Variants in RAX2 observed in about 807,000 individuals in gnomAD.
RAX2 encodes the protein retina and anterior neural fold homeobox 2, also known as retina and anterior neural fold homeobox protein 2.
In RAX2, 4 loss-of-function variants were observed where a neutral mutation model predicts 5.8. The ratio of observed to expected loss-of-function variants is 0.69; its 90% CI spans 0.34 to 1.58. RAX2 has a LOEUF of 1.58. RAX2 is among the 40% of genes most tolerant of loss of function. The pLI is 0.05. For synonymous variants in RAX2, 133 were observed against 128.8 expected, an observed-to-expected ratio of 1.03 and a Z score of -0.22; for missense variants, 275 against 271.4, an observed-to-expected ratio of 1.01 and a Z score of -0.09.
chr19:3,772,011 C>CTGTGTGTGTG lies in RAX2; in HGVS notation c.-268-11_-268-2dup. The CTGTGTGTGTG allele has an allele frequency of 1.9e-6, 1 of 524,238 alleles. No individual in the cohort carries two copies. The highest frequency in any genetic ancestry group is 2.1e-5 in the South Asian group (1 of 47,836). The allele number at this position is 524,238 out of a possible 1,614,324, so 32.5% of individuals were successfully genotyped here. A position where few individuals can be genotyped will look rare whatever the true frequency, so the allele number is the denominator to read the frequency against. ...TTCCCCTCTCTGTGACTGTCACGGCCTGTGTGTGTGTGTGTCGGCGGGGGG... is the reference window on the plus strand; with the variant it reads ...TTCCCCTCTCTGTGACTGTCACGGCCTGTGTGTGTGTGTGTGTGTGTGTGTCGGCGGGGGG... On this transcript the variant is annotated splice_acceptor_variant, in intron 1 of 2. Transcript: ENST00000555633. LOFTEE classifies it low-confidence loss of function (5UTR_SPLICE).
chr19:3,770,921 C>T lies in RAX2; in HGVS notation c.255G>A (p.Gln85=), dbSNP rs1474928513. ...CACCCGAGCCTGACTCCAGCCGCTC[C>T]TGGCGGCGCCACTTGGCCCGGCGGT... ...FQNRRAKWRR[Q]ERLESGSGAV... is the part of the protein sequence containing the mutation. Residue 85 remains glutamine (Q), a synonymous_variant, in exon 3 of 3, where the codon CAG becomes CAA. Transcript: ENST00000555633. 2 of 1,559,554 alleles carry T rather than the reference C, an allele frequency of 1.3e-6. No individual in the cohort carries two copies. The highest frequency in any genetic ancestry group is 1.7e-6 in the Non-Finnish European group (2 of 1,160,172).
Position 3,770,788 on chromosome 19 carries a change from G to T in RAX2, c.388C>A (p.Pro130Thr). 6.6e-7 allele frequency: 1 copy of T among 1,521,828 alleles called. No individual in the cohort carries two copies. The highest frequency in any genetic ancestry group is 1.2e-5 in the South Asian group (1 of 82,822). 94.3% of individuals were successfully genotyped at this position (1,521,828 alleles called of 1,614,324 possible). A position where few individuals can be genotyped will look rare whatever the true frequency, so the allele number is the denominator to read the frequency against. The change falls in exon 3 of 3, where the codon CCA becomes ACA. Residue 130 changes from proline (P) to threonine (T), a missense_variant. Physicochemically the swap from Pro to Thr is conservative, Grantham distance 38. Coordinates refer to ENST00000555633, the MANE Select transcript of RAX2 (RefSeq NM_001319074.4). ...GGGCCCAGGAGGCGGGGGAGGCCTGGCACGGCCGGCGGTCCGGGGCCCAAC... is the reference window on the plus strand; with the variant it reads ...GGGCCCAGGAGGCGGGGGAGGCCTGTCACGGCCGGCGGTCCGGGGCCCAAC... Reference protein sequence around the residue: ...PWLGPGPPAVPGLPRLLGPGP... With the variant: ...PWLGPGPPAVTGLPRLLGPGP...
rs922236026 is a variant in RAX2, at chr19:3,770,747, T to C, written c.429A>G (p.Gln143=). ...PRLLGPGPGL[Q]ASFGPHAFAP... Reference sequence around the variant, plus strand: ...CAAAGGCATGAGGCCCGAAGGACGCTTGCAGCCCCGGGCCCGGGCCCAGGA... The same window carrying C: ...CAAAGGCATGAGGCCCGAAGGACGCCTGCAGCCCCGGGCCCGGGCCCAGGA... The change falls in exon 3 of 3, where the codon CAA becomes CAG. Residue 143 remains glutamine (Q), a synonymous_variant. Coordinates refer to ENST00000555633, the MANE Select transcript of RAX2 (RefSeq NM_001319074.4). The C allele has an allele frequency of 2.0e-6, 3 of 1,532,536 alleles. No individual in the cohort carries two copies. Among genetic ancestry groups the C allele is most frequent in the Non-Finnish European group, 1.7e-6 (2 of 1,145,272 alleles). The allele number at this position is 1,532,536 out of a possible 1,614,324, so 94.9% of individuals were successfully genotyped here.
Position 3,770,589 on chromosome 19 carries a change from G to C in RAX2, c.*32C>G. ...GGGCACGTCCCCGGTTCTCGGGTTG[G>C]GCCGAGGAGGGGGCCCGGGAGGGCG... On this transcript the variant is annotated 3_prime_UTR_variant, in exon 3 of 3. Coordinates refer to ENST00000555633, the MANE Select transcript of RAX2 (RefSeq NM_001319074.4). The C allele has an allele frequency of 6.6e-7, 1 of 1,522,100 alleles. No individual in the cohort carries two copies. Among genetic ancestry groups the C allele is most frequent in the African/African-American group, 1.4e-5 (1 of 72,524 alleles). The allele number at this position is 1,522,100 out of a possible 1,614,324, so 94.3% of individuals were successfully genotyped here. A position where few individuals can be genotyped will look rare whatever the true frequency, so the allele number is the denominator to read the frequency against.
Position 3,770,584 on chromosome 19 carries a change from G to T in RAX2, c.*37C>A. The T allele has an allele frequency of 6.6e-7, 1 of 1,517,304 alleles. No homozygotes were observed. Among genetic ancestry groups the T allele is most frequent in the South Asian group, 1.2e-5 (1 of 83,460 alleles). The allele number at this position is 1,517,304 out of a possible 1,614,324, so 94.0% of individuals were successfully genotyped here. A position where few individuals can be genotyped will look rare whatever the true frequency, so the allele number is the denominator to read the frequency against. ...CACCAGGGCACGTCCCCGGTTCTCG[G>T]GTTGGGCCGAGGAGGGGGCCCGGGA... On this transcript the variant is annotated 3_prime_UTR_variant, in exon 3 of 3. Coordinates refer to ENST00000555633, the MANE Select transcript of RAX2 (RefSeq NM_001319074.4).
At position 3,770,463 on chromosome 19, in the gene RAX2, G is replaced by T. The variant is rs567541177; in HGVS notation, c.*158C>A. ...AGACGGGATGGGGGCAGGGAACCCAGCAGCCTGTCTCTCTGGTCCCGCTCC... is the reference window on the plus strand; with the variant it reads ...AGACGGGATGGGGGCAGGGAACCCATCAGCCTGTCTCTCTGGTCCCGCTCC... On this transcript the variant is annotated 3_prime_UTR_variant, in exon 3 of 3. Transcript: ENST00000555633. 2 of 626,790 alleles carry T rather than the reference G, an allele frequency of 3.2e-6. No individual in the cohort carries two copies. Among genetic ancestry groups the T allele is most frequent in the Admixed American group, 3.2e-5 (1 of 31,418 alleles). 38.8% of individuals were successfully genotyped at this position (626,790 alleles called of 1,614,324 possible).
chr19:3,770,763 G>A lies in RAX2; in HGVS notation c.413C>T (p.Pro138Leu), dbSNP rs978473853. The A allele has an allele frequency of 8.2e-5, 126 of 1,528,826 alleles. No individual in the cohort carries two copies. The highest frequency in any genetic ancestry group is 9.7e-5 in the African/African-American group (7 of 71,954). The allele number at this position is 1,528,826 out of a possible 1,614,324, so 94.7% of individuals were successfully genotyped here. ...GAAGGACGCTTGCAGCCCCGGGCCCGGGCCCAGGAGGCGGGGGAGGCCTGG... is the reference window on the plus strand; with the variant it reads ...GAAGGACGCTTGCAGCCCCGGGCCCAGGCCCAGGAGGCGGGGGAGGCCTGG... ...AVPGLPRLLG[P>L]GPGLQASFGP... Residue 138 changes from proline to leucine, a missense_variant, in exon 3 of 3, where the codon CCG becomes CTG. Physicochemically the swap from Pro to Leu is moderately conservative, Grantham distance 98. Transcript: ENST00000555633.
Position 3,771,051 on chromosome 19 carries a change from TTC to T in RAX2, c.217-94_217-93del. 1 of 1,002,816 alleles carries T rather than the reference TTC, an allele frequency of 1.0e-6. No homozygotes were observed. The highest frequency in any genetic ancestry group is 2.8e-4 in the Middle Eastern group (1 of 3,552). 62.1% of individuals were successfully genotyped at this position (1,002,816 alleles called of 1,614,324 possible). On this transcript the variant is annotated intron_variant, in intron 2 of 2. Transcript: ENST00000555633. This position sits in a 1 kb window ranked among gnomAD's most constrained non-coding sequence, Gnocchi z 4.2. ...CCTCTGCACACCCCAGCCCTGGGGG[TTC>T]TGACTCCCGTCTGACCCGACTCCTA...
At chr19:3,772,114 GC>G (rs1417209011) in intron 1 of RAX2, 48 bp downstream of exon 1, 7 of 457,518 alleles carry the variant, frequency 1.5e-5, no homozygotes, top group Admixed American at 2.6e-5. Flanking sequence ...GGGGATCTCT[GC>G]CCCCACCACC....
chr19:3,771,442 C>T lies in RAX2; in HGVS notation c.216+85G>A, dbSNP rs1038082591. On this transcript the variant is annotated intron_variant, in intron 2 of 2. Transcript: ENST00000555633. This position sits in a 1 kb window ranked among gnomAD's most constrained non-coding sequence, Gnocchi z 4.2. ...CCAGGAAGCCTTCCTAGCTTCTCTT[C>T]TGCTGTTGCTCCGGGAGGGTCAGGA... 1 of 1,126,718 alleles carries T rather than the reference C, an allele frequency of 8.9e-7. No individual in the cohort carries two copies. The highest frequency in any genetic ancestry group is 1.5e-5 in the African/African-American group (1 of 64,982). The allele number at this position is 1,126,718 out of a possible 1,614,324, so 69.8% of individuals were successfully genotyped here.
Position 3,769,938 on chromosome 19 carries a change from C to G in RAX2, c.*683G>C, listed in dbSNP as rs1001154925. ...CCTCTCTCCAGAACCTGTCGCTGTG[C>G]CCCGGACGGTAGGACCGGTGATGGG... On this transcript the variant is annotated 3_prime_UTR_variant, in exon 3 of 3. Transcript: ENST00000555633. The G allele has an allele frequency of 7.2e-5, 11 of 152,292 alleles. No homozygotes were observed. Among genetic ancestry groups the G allele is most frequent in the Admixed American group, 1.3e-4 (2 of 15,280 alleles). The allele number at this position is 152,292 out of a possible 1,614,324, so 9.4% of individuals were successfully genotyped here.
rs2037256560 is a variant in RAX2, at chr19:3,771,259, C to T, written c.216+268G>A. ...GCGTTGTTACCCACACCATTCTCTGCCTCCTCCTTCACCCCTGGCTCAAGG... is the reference window on the plus strand; with the variant it reads ...GCGTTGTTACCCACACCATTCTCTGTCTCCTCCTTCACCCCTGGCTCAAGG... On this transcript the variant is annotated intron_variant, in intron 2 of 2. Coordinates refer to ENST00000555633, the MANE Select transcript of RAX2 (RefSeq NM_001319074.4). The surrounding 1 kb of genome is among the most constrained non-coding windows in gnomAD (Gnocchi z 4.2). 6.6e-6 allele frequency among the ~76,000 whole-genome samples: 1 copy of T among 152,176 alleles called. No individual in the cohort carries two copies. The highest frequency in any genetic ancestry group is 1.5e-5 in the Non-Finnish European group (1 of 68,024).
Position 3,770,758 on chromosome 19 carries a change from GGCCC to G in RAX2, c.414_417del (p.Gly139ArgfsTer74). The G allele has an allele frequency of 6.5e-7, 1 of 1,530,128 alleles. No homozygotes were observed. The allele number at this position is 1,530,128 out of a possible 1,614,324, so 94.8% of individuals were successfully genotyped here. A position where few individuals can be genotyped will look rare whatever the true frequency, so the allele number is the denominator to read the frequency against. On this transcript the variant is annotated frameshift_variant, in exon 3 of 3. Transcript: ENST00000555633. LOFTEE classifies it low-confidence loss of function (END_TRUNC). ...GGCCCGAAGGACGCTTGCAGCCCCG[GGCCC>G]GGGCCCAGGAGGCGGGGGAGGCCTG...
At position 3,771,082 on chromosome 19, in the gene RAX2, G is replaced by C. The variant is rs1254308433; in HGVS notation, c.217-123C>G. On this transcript the variant is annotated intron_variant, in intron 2 of 2. Coordinates refer to ENST00000555633, the MANE Select transcript of RAX2 (RefSeq NM_001319074.4). This position sits in a 1 kb window ranked among gnomAD's most constrained non-coding sequence, Gnocchi z 4.2. Reference sequence around the variant, plus strand: ...CTCCCGTCTGACCCGACTCCTACCTGCTGCTTCGCTGTTCTGCCCCAAGAA... The same window carrying C: ...CTCCCGTCTGACCCGACTCCTACCTCCTGCTTCGCTGTTCTGCCCCAAGAA... 2 of 729,070 alleles carry C rather than the reference G, an allele frequency of 2.7e-6. No individual in the cohort carries two copies. Among genetic ancestry groups the C allele is most frequent in the Non-Finnish European group, 4.6e-6 (2 of 431,258 alleles). 45.2% of individuals were successfully genotyped at this position (729,070 alleles called of 1,614,324 possible).
rs994833506 is a variant in RAX2 at position 3,772,181 on chromosome 19, C to T, written c.-287G>A. 10 of 457,884 alleles carry T rather than the reference C, an allele frequency of 2.2e-5. No individual in the cohort carries two copies. Among genetic ancestry groups the T allele is most frequent in the African/African-American group, 1.4e-4 (7 of 50,288 alleles). 28.4% of individuals were successfully genotyped at this position (457,884 alleles called of 1,614,324 possible). ...CACTCACCGCCCACGGCAGCCCCTC[C>T]GTCGATTTCCACGGGACACCTGCCC... On this transcript the variant is annotated 5_prime_UTR_variant, in exon 1 of 3. Coordinates refer to ENST00000555633, the MANE Select transcript of RAX2 (RefSeq NM_001319074.4).
chr19:3,770,824 G>A lies in RAX2; in HGVS notation c.352C>T (p.Leu118=). The A allele has an allele frequency of 2.6e-6, 4 of 1,523,626 alleles. No individual in the cohort carries two copies. Among genetic ancestry groups the A allele is most frequent in the Non-Finnish European group, 3.5e-6 (4 of 1,141,252 alleles). The allele number at this position is 1,523,626 out of a possible 1,614,324, so 94.4% of individuals were successfully genotyped here. The stretch of plus-strand genomic sequence containing the variant: ...GGTCCGGGGCCCAACCAGGGCTCCA[G>A]GGGCAGCGACATGGCCGGGGGGCGG... ...FARPPAMSLP[L]EPWLGPGPPA... The change falls in exon 3 of 3, where the codon CTG becomes TTG. Residue 118 remains leucine (L), a synonymous_variant. Coordinates refer to ENST00000555633, the MANE Select transcript of RAX2 (RefSeq NM_001319074.4).
chr19:3,771,020 G>A lies in RAX2; in HGVS notation c.217-61C>T, dbSNP rs959145589. 6.0e-6 allele frequency: 8 copies of A among 1,337,164 alleles called. No homozygotes were observed. The highest frequency in any genetic ancestry group is 2.0e-5 in the Admixed American group (1 of 50,468). 82.8% of individuals were successfully genotyped at this position (1,337,164 alleles called of 1,614,324 possible). On this transcript the variant is annotated intron_variant, in intron 2 of 2. Coordinates refer to ENST00000555633, the MANE Select transcript of RAX2 (RefSeq NM_001319074.4). The surrounding 1 kb of genome is among the most constrained non-coding windows in gnomAD (Gnocchi z 4.2). ...GCTCAGCCGCTCCCCGCCAATCCTC[G>A]GACCCCCTCTGCACACCCCAGCCCT...
In RAX2 at chr19:3,771,056, ACT is replaced by A; in HGVS notation, c.217-99_217-98del. 1 of 958,848 alleles carries A rather than the reference ACT, an allele frequency of 1.0e-6. No individual in the cohort carries two copies. The highest frequency in any genetic ancestry group is 1.4e-5 in the South Asian group (1 of 71,446). 59.4% of individuals were successfully genotyped at this position (958,848 alleles called of 1,614,324 possible). On this transcript the variant is annotated intron_variant, in intron 2 of 2. Transcript: ENST00000555633. This position sits in a 1 kb window ranked among gnomAD's most constrained non-coding sequence, Gnocchi z 4.2. ...GCACACCCCAGCCCTGGGGGTTCTG[ACT>A]CCCGTCTGACCCGACTCCTACCTGC...
chr19:3,771,212 G>A lies in RAX2; in HGVS notation c.217-253C>T, dbSNP rs559900698. ...TAGCAAGTAACCTGAGCTGCCTAAC[G>A]TGGCATTCAAGGCCTTCAAAAGCGT... is the stretch of plus-strand genomic sequence containing the variant. On this transcript the variant is annotated intron_variant, in intron 2 of 2. Coordinates refer to ENST00000555633, the MANE Select transcript of RAX2 (RefSeq NM_001319074.4). This position sits in a 1 kb window ranked among gnomAD's most constrained non-coding sequence, Gnocchi z 4.2. Among the ~76,000 whole-genome samples the A allele has an allele frequency of 1.3e-5, 2 of 152,104 alleles. No homozygotes were observed. The highest frequency in any genetic ancestry group is 2.1e-4 in the South Asian group (1 of 4,834).
Sources: allele counts gnomAD v4.1 joint callset (sites outside exome capture counted in the v4.1 genomes callset), GRCh38; gene constraint gnomAD v4.1.1; non-coding constraint Gnocchi (gnomAD v3.1); transcripts MANE v1.5; gene names NCBI Gene and HGNC (gene_info 2026-07-23, HGNC 2026-07-21).